The following ZFP91 variants were observed in gnomAD, a reference collection of about 807,000 sequenced individuals.
ZFP91 encodes the protein E3 ubiquitin-protein ligase ZFP91.
ZFP91 carries 7 observed loss-of-function variants against 63.5 expected under a neutral mutation model. The ratio of observed to expected loss-of-function variants is 0.11; its 90% confidence interval spans 0.06 to 0.21. The LOEUF (loss-of-function observed/expected upper bound fraction) is 0.21, where lower values mean the gene tolerates loss of function less well. Ranked by LOEUF, ZFP91 falls within the 10% of genes least tolerant of loss-of-function variation. The pLI, the probability that ZFP91 is intolerant of heterozygous loss-of-function variation, is 1.00. For synonymous variants in ZFP91, 330 were observed against 272.1 expected, an observed-to-expected ratio of 1.21 and a Z score of -2.10; for missense variants, 628 against 736.6, an observed-to-expected ratio of 0.85 and a Z score of 1.71.
At chr11:58,611,577 A>G in intron 5 of ZFP91, 27 bp from the exon 6 acceptor site, 3 of 1,603,108 alleles carry the variant, frequency 1.9e-6, no homozygotes, top group South Asian at 2.2e-5. Context: ...TCTTTTGTCT[A>G]GTATTGAAAT....
rs1401823306 is a variant in ZFP91 at position 58,620,305 on chromosome 11, G to C, written c.*2599G>C. 6.6e-6 allele frequency: 1 copy of C among 152,116 alleles called. No homozygotes were observed. Among genetic ancestry groups the C allele is most frequent in the Non-Finnish European group, 1.5e-5 (1 of 68,034 alleles). 9.4% of individuals were successfully genotyped at this position (152,116 alleles called of 1,614,324 possible). A position where few individuals can be genotyped will look rare whatever the true frequency, so the allele number is the denominator to read the frequency against. ...CAGCCGTTTCCCTGCTTTCCCTTCT[G>C]CTCCATATGCCTCATTGTCCTTCCA... On this transcript the variant is annotated 3_prime_UTR_variant, in exon 11 of 11. Coordinates refer to ENST00000316059, the MANE Select transcript of ZFP91 (RefSeq NM_053023.5).
intron 1 of ZFP91, 81 bp from the exon 2 acceptor site, chr11:58,584,775 G>T: frequency 7.9e-7 from 1 of 1,267,466 alleles, no homozygotes; most frequent in African/African-American, 1.6e-5. Flanking sequence ...TATCACTCTG[G>T]AGGTGAACCT....
chr11:58,612,701 C>A (rs1426439205), intron 7 of ZFP91, 61 bp from the exon 8 acceptor site: 5 of 1,297,230 alleles, frequency 3.9e-6, no homozygotes, highest in Non-Finnish European at 4.4e-6. Flanking sequence ...AAGTCAGAGG[C>A]CACTGTGCAG....
chr11:58,610,170 C>T, intron 3 of ZFP91, 128 bp from the exon 4 acceptor site: 1 of 1,404,368 alleles, frequency 7.1e-7, no homozygotes, highest in East Asian at 2.3e-5. Context: ...TTTCTTTGAA[C>T]AGTTTGCAGA....
chr11:58,587,172 C>A (rs764194688), intron 2 of ZFP91, among the ~76,000 whole-genome samples: 6 of 151,916 alleles, frequency 3.9e-5, no homozygotes, highest in Non-Finnish European at 4.4e-5. Flanking sequence ...AGTATTAGTT[C>A]CTGTTTTTGC....
chr11:58,611,320 A>C (rs758565884), intron 5 of ZFP91: 2 of 484,626 alleles, frequency 4.1e-6, no homozygotes, highest in Non-Finnish European at 7.1e-6. Flanking sequence ...GAATTGCCTG[A>C]ATACTTAGAA....
chr11:58,584,245 T>C (rs1011733600), intron 1 of ZFP91, among the ~76,000 whole-genome samples: 5 of 152,106 alleles, frequency 3.3e-5, no homozygotes, highest in Admixed American at 1.3e-4. Flanking sequence ...TGATTTGGTC[T>C]TAACAAACAA....
chr11:58,614,764 C>T (rs1855723596), intron 9 of ZFP91, among the ~76,000 whole-genome samples: 1 of 152,136 alleles, frequency 6.6e-6, no homozygotes, highest in African/African-American at 2.4e-5. Flanking sequence ...GCATAATACT[C>T]TGCTGCTATT....
Position 58,579,176 on chromosome 11 carries a change from G to C in ZFP91, c.-106G>C. ...GGGGAAAGAGGAGCGCAGGGTGAGA[G>C]TGAGCCGCAGGCTTCGGGAGGCGAG... On this transcript the variant is annotated 5_prime_UTR_variant, in exon 1 of 11. Transcript: ENST00000316059. The C allele has an allele frequency of 1.0e-6, 1 of 979,074 alleles. No individual in the cohort carries two copies. The highest frequency in any genetic ancestry group is 1.4e-6 in the Non-Finnish European group (1 of 725,100). 60.6% of individuals were successfully genotyped at this position (979,074 alleles called of 1,614,324 possible).
At chr11:58,614,398 A>G (rs1471897623) in intron 9 of ZFP91, 55 bp downstream of exon 9, 14 of 1,256,118 alleles carry the variant, frequency 1.1e-5, no homozygotes, top group Non-Finnish European at 1.5e-5. Context: ...TTAGTTTTGC[A>G]TGTTGGTAAT....
rs188792008 is a variant in ZFP91, at chr11:58,579,090, G to A, written c.-192G>A. The stretch of plus-strand genomic sequence containing the variant: ...GGCGCGCGCGCGCGCGCCGCCAGCG[G>A]TAGCGGACCTTGAGTGGCAGGGGGT... On this transcript the variant is annotated 5_prime_UTR_variant, in exon 1 of 11. Coordinates refer to ENST00000316059, the MANE Select transcript of ZFP91 (RefSeq NM_053023.5). The A allele has an allele frequency of 5.8e-4, 238 of 412,848 alleles. No individual in the cohort carries two copies. The highest frequency in any genetic ancestry group is 8.9e-4 in the Non-Finnish European group (219 of 244,832). The allele number at this position is 412,848 out of a possible 1,614,324, so 25.6% of individuals were successfully genotyped here.
chr11:58,601,314 G>A (rs1159988377), intron 2 of ZFP91, among the ~76,000 whole-genome samples: 2 of 152,100 alleles, frequency 1.3e-5, no homozygotes, highest in Non-Finnish European at 2.9e-5. Flanking sequence ...TCCATTTCTT[G>A]TTGAATTGTT....
At chr11:58,602,642 A>G (rs1204562560) in intron 2 of ZFP91, among the ~76,000 whole-genome samples, 3 of 152,188 alleles carry the variant, frequency 2.0e-5, no homozygotes, top group African/African-American at 7.2e-5. Flanking sequence ...AAGATGTTGA[A>G]GTCTTAACTC....
intron 2 of ZFP91, among the ~76,000 whole-genome samples, chr11:58,599,953 A>G (rs971043035): frequency 2.0e-5 from 3 of 152,074 alleles, no homozygotes; most frequent in Admixed American, 2.0e-4. Context: ...GTTTTCACCT[A>G]CTGAATGGTC....
intron 2 of ZFP91, among the ~76,000 whole-genome samples, chr11:58,602,119 C>T (rs898823070): frequency 6.6e-6 from 1 of 152,100 alleles, no homozygotes; most frequent in African/African-American, 2.4e-5. Flanking sequence ...GACAGGGTTT[C>T]GCCATGTTGG....
intron 1 of ZFP91, among the ~76,000 whole-genome samples, chr11:58,584,063 T>G (rs1855163613): frequency 1.3e-5 from 2 of 151,980 alleles, no homozygotes; most frequent in Admixed American, 1.3e-4. Flanking sequence ...TGAGAGAAAT[T>G]TTTCTGAATG....
chr11:58,589,587 T>TC (rs1278884658), intron 2 of ZFP91, among the ~76,000 whole-genome samples: 1 of 152,226 alleles, frequency 6.6e-6, no homozygotes. Flanking sequence ...TTTCAGAAAC[T>TC]CAAGTTTCTG....
In ZFP91 at chr11:58,579,406, C is replaced by A; in HGVS notation, c.125C>A (p.Ala42Glu). The A allele has an allele frequency of 6.8e-7, 1 of 1,461,950 alleles. No individual in the cohort carries two copies. The allele number at this position is 1,461,950 out of a possible 1,614,324, so 90.6% of individuals were successfully genotyped here. Residue 42 changes from alanine (A) to glutamate (E), a missense_variant, in exon 1 of 11, where the codon GCA becomes GAA. Physicochemically the swap from Ala to Glu is moderately radical, Grantham distance 107 (BLOSUM62 -1). Transcript: ENST00000316059. Reference sequence around the variant, plus strand: ...CCTGAGGCGGTCGCGGCGGCGCCTGCAGGGACCACTAGCAGCCGCGTGCTG... The same window carrying A: ...CCTGAGGCGGTCGCGGCGGCGCCTGAAGGGACCACTAGCAGCCGCGTGCTG... ...RPPEAVAAAP[A>E]GTTSSRVLRG...
At chr11:58,604,809 C>T (rs1855545465) in intron 2 of ZFP91, among the ~76,000 whole-genome samples, 1 of 152,174 alleles carries the variant, frequency 6.6e-6, no homozygotes, top group African/African-American at 2.4e-5. Flanking sequence ...CATCTCCTTC[C>T]AGTGTGGCCC....
Sources: gnomAD v4.1 joint callset for allele counts (sites outside exome capture counted in the v4.1 genomes callset) on GRCh38, gnomAD v4.1.1 for gene constraint, MANE v1.5 for transcripts, NCBI Gene and HGNC (gene_info 2026-07-23, HGNC 2026-07-21) for gene names.